Variants in SLC25A12 observed in about 807,000 individuals in gnomAD.
SLC25A12 encodes the protein electrogenic aspartate/glutamate antiporter SLC25A12, mitochondrial.
Under a neutral mutation model 83.3 loss-of-function variants are expected in SLC25A12, and 32 were observed. That is an observed-to-expected ratio of 0.38 (90% CI 0.29 to 0.52). The LOEUF is 0.52. Among genes scored for constraint, SLC25A12 ranks in the 20% least tolerant of loss-of-function variants. The pLI is 0.84. For missense variants in SLC25A12, 611 were observed against 835.6 expected (o/e 0.73, Z 3.31); for synonymous variants, 267 against 291.1 (o/e 0.92, Z 0.84).
chr2:171,833,553 G>A (rs1344415359), intron 8 of SLC25A12, among the ~76,000 whole-genome samples: 6 of 152,168 alleles, frequency 3.9e-5, no homozygotes, highest in African/African-American at 1.4e-4. Context: ...TTACAGGCGT[G>A]AGCCACTGGG....
intron 11 of SLC25A12, among the ~76,000 whole-genome samples, chr2:171,812,398 G>T (rs979206051): frequency 6.6e-6 from 1 of 152,082 alleles, no homozygotes; most frequent in African/African-American, 2.4e-5. Flanking sequence ...CTCAGAATAG[G>T]CTAGGGATTA....
At chr2:171,809,806 C>T in intron 12 of SLC25A12, 120 bp from the exon 13 acceptor site, 1 of 771,378 alleles carries the variant, frequency 1.3e-6, no homozygotes, top group Non-Finnish European at 2.3e-6. Flanking sequence ...TTATCAAATG[C>T]TTACATGTAA....
intron 2 of SLC25A12, among the ~76,000 whole-genome samples, chr2:171,877,223 C>G (rs1251248148): frequency 6.6e-6 from 1 of 152,172 alleles, no homozygotes; most frequent in Non-Finnish European, 1.5e-5. Context: ...TGAACTATCT[C>G]TAGCTCCAAA....
chr2:171,793,826 A>G, intron 13 of SLC25A12, 59 bp from the exon 14 acceptor site: 2 of 1,601,342 alleles, frequency 1.2e-6, no homozygotes, highest in South Asian at 2.2e-5. Flanking sequence ...TGGCAGCGTA[A>G]AAAAGGAAAA....
At chr2:171,881,265 A>G (rs1685689121) in intron 2 of SLC25A12, among the ~76,000 whole-genome samples, 1 of 152,014 alleles carries the variant, frequency 6.6e-6, no homozygotes, top group South Asian at 2.1e-4. Flanking sequence ...CGATTCTCCC[A>G]TCTCAGCCTC....
At chr2:171,846,806 G>A (rs750827317) in intron 4 of SLC25A12, among the ~76,000 whole-genome samples, 11 of 151,658 alleles carry the variant, frequency 7.3e-5, no homozygotes, top group Admixed American at 5.3e-4. Context: ...GCTCTGTCTC[G>A]AAAAAAAAGT....
At chr2:171,847,259 C>G (rs1030711138) in intron 4 of SLC25A12, among the ~76,000 whole-genome samples, 2 of 152,134 alleles carry the variant, frequency 1.3e-5, no homozygotes, top group African/African-American at 4.8e-5. Flanking sequence ...TTTCTACTAC[C>G]AAGTGCCTGA....
chr2:171,789,308 A>G (rs1234446844), intron 15 of SLC25A12, among the ~76,000 whole-genome samples: 2 of 152,024 alleles, frequency 1.3e-5, no homozygotes, highest in Non-Finnish European at 2.9e-5. Context: ...GGCTCACTGC[A>G]AGCTCCGCCT....
At chr2:171,840,597 A>G (rs2105892096) in intron 5 of SLC25A12, among the ~76,000 whole-genome samples, 1 of 152,226 alleles carries the variant, frequency 6.6e-6, no homozygotes, top group Non-Finnish European at 1.5e-5. Context: ...CAGAAAACCA[A>G]AAAGAGTTCC....
intron 8 of SLC25A12, among the ~76,000 whole-genome samples, chr2:171,827,616 A>G (rs115109586): frequency 1.3e-5 from 2 of 152,226 alleles, no homozygotes; most frequent in Non-Finnish European, 2.9e-5. Flanking sequence ...AAGATTTGCA[A>G]CTAGGGCTCT....
chr2:171,883,372 G>A (rs1283499592), intron 2 of SLC25A12, among the ~76,000 whole-genome samples: 1 of 152,108 alleles, frequency 6.6e-6, no homozygotes, highest in Non-Finnish European at 1.5e-5. Context: ...AGCTCAAAAG[G>A]TTTCAAATGA....
chr2:171,789,289 C>T (rs943086023), intron 15 of SLC25A12, among the ~76,000 whole-genome samples: 1 of 152,050 alleles, frequency 6.6e-6, no homozygotes, highest in Non-Finnish European at 1.5e-5. Context: ...AGTGCAGTGG[C>T]ACAATCTCGG....
intron 2 of SLC25A12, among the ~76,000 whole-genome samples, chr2:171,869,289 T>TA (rs1685408692): frequency 6.6e-6 from 1 of 152,202 alleles, no homozygotes; most frequent in Admixed American, 6.5e-5. Context: ...TATACTTTTT[T>TA]AAAAAACACT....
At chr2:171,789,465 T>C (rs1690558207) in intron 15 of SLC25A12, among the ~76,000 whole-genome samples, 1 of 152,126 alleles carries the variant, frequency 6.6e-6, no homozygotes, top group South Asian at 2.1e-4. Context: ...CCTGACCTCG[T>C]GATCTGCCCG....
chr2:171,893,165 TG>T, intron 2 of SLC25A12, 39 bp downstream of exon 2: 1 of 1,562,164 alleles, frequency 6.4e-7, no homozygotes, highest in Non-Finnish European at 8.8e-7. Context: ...GTACGTTTTT[TG>T]TTTTTGCAAT....
intron 11 of SLC25A12, 91 bp from the exon 12 acceptor site, chr2:171,810,367 C>G: frequency 9.8e-7 from 1 of 1,016,156 alleles, no homozygotes; most frequent in Admixed American, 1.7e-5. Context: ...ATATTATTTA[C>G]CCATCAAACA....
chr2:171,878,212 G>A (rs981370508), intron 2 of SLC25A12, among the ~76,000 whole-genome samples: 7 of 152,118 alleles, frequency 4.6e-5, no homozygotes, highest in Non-Finnish European at 2.9e-5. Flanking sequence ...CTAAAACTGG[G>A]TCAGAAAACT....
chr2:171,892,840 G>C (rs1685972149), intron 2 of SLC25A12, among the ~76,000 whole-genome samples: 1 of 152,086 alleles, frequency 6.6e-6, no homozygotes, highest in African/African-American at 2.4e-5. Context: ...GGAAAACTTT[G>C]TAAACATGCA....
At position 171,845,854 on chromosome 2, in the gene SLC25A12, C is replaced by A. The variant is rs924208709; in HGVS notation, c.326-1346G>T. The A allele has an allele frequency of 4.4e-5, 20 of 455,018 alleles. No individual in the cohort carries two copies. In the Admixed American group the frequency reaches 4.5e-4, roughly 10 times the overall value. 28.2% of individuals were successfully genotyped at this position (455,018 alleles called of 1,614,324 possible). A position where few individuals can be genotyped will look rare whatever the true frequency, so the allele number is the denominator to read the frequency against. On this transcript the variant is annotated intron_variant, in intron 4 of 17. Coordinates refer to ENST00000422440, the MANE Select transcript of SLC25A12 (RefSeq NM_003705.5). The stretch of plus-strand genomic sequence containing the variant: ...TTGAAATGGAATGCAGGATTCATTT[C>A]TTCCCTAAGTAGGGACAAATACTTC...
Sources: allele counts gnomAD v4.1 joint callset (sites outside exome capture counted in the v4.1 genomes callset), GRCh38; gene constraint gnomAD v4.1.1; transcripts MANE v1.5; gene names NCBI Gene and HGNC (gene_info 2026-07-23, HGNC 2026-07-21).